The following CFAP299 variants were observed in gnomAD, a reference collection of about 807,000 sequenced individuals.
The protein encoded by CFAP299 is cilia- and flagella-associated protein 299.
CFAP299 carries 21 observed loss-of-function variants against 27.0 expected under a neutral mutation model. That is an observed-to-expected ratio of 0.78 (90% CI 0.55 to 1.12). CFAP299 has a LOEUF of 1.12. CFAP299 is among the 50% of genes most tolerant of loss of function. The pLI is 0.00. For missense variants in CFAP299, 310 were observed against 276.6 expected, an observed-to-expected ratio of 1.12 and a Z score of -0.86; for synonymous variants, 104 against 98.1, an observed-to-expected ratio of 1.06 and a Z score of -0.36.
chr4:80,745,771 T>A (rs1461008011), intron 3 of CFAP299, among the ~76,000 whole-genome samples: 3 of 152,026 alleles, frequency 2.0e-5, no homozygotes, highest in African/African-American at 7.2e-5. Flanking sequence ...CCAGGATACA[T>A]CATTAAATTT....
intron 3 of CFAP299, among the ~76,000 whole-genome samples, chr4:80,786,320 A>C (rs116199463): frequency 2.6e-3 from 403 of 152,202 alleles, no homozygotes; most frequent in Non-Finnish European, 4.6e-3. Context: ...AACACAGCTG[A>C]CCAAATTACT....
intron 3 of CFAP299, among the ~76,000 whole-genome samples, chr4:80,616,043 G>T (rs990798769): frequency 6.6e-6 from 1 of 151,990 alleles, no homozygotes; most frequent in African/African-American, 2.4e-5. Context: ...CCTCTCAACT[G>T]GTCAATATAA....
chr4:80,812,089 C>T (rs1331552752), intron 3 of CFAP299, among the ~76,000 whole-genome samples: 2 of 151,882 alleles, frequency 1.3e-5, no homozygotes, highest in Admixed American at 6.6e-5. Flanking sequence ...AAACAGTATT[C>T]ATATATTAGT....
At chr4:80,764,579 C>A (rs139253097) in intron 3 of CFAP299, among the ~76,000 whole-genome samples, 5 of 152,180 alleles carry the variant, frequency 3.3e-5, no homozygotes, top group African/African-American at 1.2e-4. Flanking sequence ...TTTGACCCAG[C>A]GATCTCATTA....
chr4:80,601,920 C>T (rs1329115186), intron 3 of CFAP299, among the ~76,000 whole-genome samples: 2 of 152,118 alleles, frequency 1.3e-5, no homozygotes, highest in Non-Finnish European at 2.9e-5. Flanking sequence ...AAATCATGTC[C>T]TTTGTTGAAG....
chr4:80,570,870 A>G (rs1230524795), intron 2 of CFAP299, among the ~76,000 whole-genome samples: 1 of 152,200 alleles, frequency 6.6e-6, no homozygotes, highest in Non-Finnish European at 1.5e-5. Context: ...CGAGAATACA[A>G]TGAAAATGAG....
At chr4:80,842,077 A>G (rs1223891383) in intron 3 of CFAP299, among the ~76,000 whole-genome samples, 3 of 151,908 alleles carry the variant, frequency 2.0e-5, no homozygotes, top group Admixed American at 1.3e-4. Flanking sequence ...TGTAGAATGA[A>G]TGGGGTGGCT....
intron 2 of CFAP299, among the ~76,000 whole-genome samples, chr4:80,523,353 C>T (rs924111505): frequency 5.3e-5 from 8 of 151,894 alleles, no homozygotes; most frequent in Non-Finnish European, 8.8e-5. Flanking sequence ...AAACCATGGA[C>T]GGTATTGTAA....
At chr4:80,484,819 G>A (rs1040252376) in intron 2 of CFAP299, among the ~76,000 whole-genome samples, 8 of 152,118 alleles carry the variant, frequency 5.3e-5, no homozygotes, top group Admixed American at 3.3e-4. Flanking sequence ...TTATAGTTGT[G>A]ATAGAGGAAA....
intron 1 of CFAP299, among the ~76,000 whole-genome samples, chr4:80,349,278 G>A (rs374486919): frequency 2.0e-5 from 3 of 152,260 alleles, no homozygotes; most frequent in African/African-American, 7.2e-5. Flanking sequence ...AATGTCTCTT[G>A]TGGTTCACCC....
At chr4:80,748,004 T>A (rs987276319) in intron 3 of CFAP299, among the ~76,000 whole-genome samples, 2 of 152,078 alleles carry the variant, frequency 1.3e-5, no homozygotes, top group South Asian at 2.1e-4. Context: ...TATTTAGATG[T>A]CTTACAGGTA....
intron 4 of CFAP299, among the ~76,000 whole-genome samples, chr4:80,889,145 A>C (rs1384484644): frequency 6.6e-6 from 1 of 151,910 alleles, no homozygotes; most frequent in Non-Finnish European, 1.5e-5. Context: ...CAAAGCAAAA[A>C]TAAACGAATT....
chr4:80,386,448 G>T (rs1220486975), intron 2 of CFAP299: 12 of 1,541,148 alleles, frequency 7.8e-6, no homozygotes, highest in Non-Finnish European at 1.1e-5. Context: ...AGGCAAGGGG[G>T]TCACCACCTT....
At chr4:80,637,236 T>C (rs1433788354) in intron 3 of CFAP299, among the ~76,000 whole-genome samples, 6 of 152,180 alleles carry the variant, frequency 3.9e-5, no homozygotes, top group African/African-American at 1.2e-4. Context: ...ATCCCCTAAA[T>C]TGTATGCCAA....
chr4:80,516,507 G>A (rs1400537502), intron 2 of CFAP299, among the ~76,000 whole-genome samples: 1 of 152,096 alleles, frequency 6.6e-6, no homozygotes, highest in East Asian at 1.9e-4. Flanking sequence ...CATGATGAGA[G>A]AGGGAGTAAG....
chr4:80,536,579 G>A (rs1733750070), intron 2 of CFAP299, among the ~76,000 whole-genome samples: 1 of 152,094 alleles, frequency 6.6e-6, no homozygotes, highest in African/African-American at 2.4e-5. Flanking sequence ...ACAGTCAATT[G>A]ATTTTCAACA....
intron 2 of CFAP299, among the ~76,000 whole-genome samples, chr4:80,558,258 A>G (rs1734870231): frequency 6.6e-6 from 1 of 152,128 alleles, no homozygotes; most frequent in African/African-American, 2.4e-5. Context: ...AACATCATTT[A>G]AACAATTTTA....
intron 3 of CFAP299, among the ~76,000 whole-genome samples, chr4:80,673,836 C>G (rs550586619): frequency 1.0e-3 from 147 of 143,056 alleles, no homozygotes; most frequent in Non-Finnish European, 1.5e-3. Context: ...GGATTGCAAA[C>G]TCTGCCTTTT....
chr4:80,564,037 T>TA (rs563299892), intron 2 of CFAP299, among the ~76,000 whole-genome samples: 196 of 152,028 alleles, frequency 1.3e-3, no homozygotes, highest in Middle Eastern at 0.01. Flanking sequence ...AGAGCTGTAA[T>TA]AAAAAATCTC....
Sources: allele counts gnomAD v4.1 joint callset (sites outside exome capture counted in the v4.1 genomes callset), GRCh38; gene constraint gnomAD v4.1.1; transcripts MANE v1.5; gene names NCBI Gene and HGNC (gene_info 2026-07-23, HGNC 2026-07-21).